Variants in PPFIBP1 observed in about 807,000 individuals in gnomAD.
The protein encoded by PPFIBP1 is PPFIB scaffold protein 1, also known as liprin-beta-1.
A neutral mutation model predicts 137.8 loss-of-function variants in PPFIBP1; 112 were observed. That is an observed-to-expected ratio of 0.81 (90% CI 0.70 to 0.95). The LOEUF is 0.95. Ranked by LOEUF, PPFIBP1 falls within the 40% of genes least tolerant of loss-of-function variation. The pLI, the probability that PPFIBP1 is intolerant of heterozygous loss-of-function variation, is 0.00. For missense variants in PPFIBP1, 1,083 were observed against 1,196.6 expected (o/e 0.91, Z 1.40); for synonymous variants, 378 against 417.3 (o/e 0.91, Z 1.15).
At chr12:27,571,860 T>C (rs1335092366) in intron 1 of PPFIBP1, among the ~76,000 whole-genome samples, 1 of 152,240 alleles carries the variant, frequency 6.6e-6, no homozygotes, top group East Asian at 1.9e-4. Flanking sequence ...GTGGAAATAC[T>C]TGATTTTACA....
At chr12:27,624,685 C>T (rs112085999) in intron 2 of PPFIBP1, among the ~76,000 whole-genome samples, 11,917 of 152,220 alleles carry the variant, frequency 0.078, 645 homozygotes, top group East Asian at 0.12. Context: ...GTCATTAATA[C>T]GCCCTCTTTT....
intron 2 of PPFIBP1, among the ~76,000 whole-genome samples, chr12:27,587,184 G>A (rs2051867263): frequency 6.6e-6 from 1 of 152,174 alleles, no homozygotes; most frequent in South Asian, 2.1e-4. Context: ...GCAGCCAGCT[G>A]TGAACCCAAA....
Position 27,646,882 on chromosome 12 carries a change from G to A in PPFIBP1, c.357+734G>A, listed in dbSNP as rs187169109. On this transcript the variant is annotated intron_variant, in intron 5 of 29. Coordinates refer to ENST00000228425, the MANE Select transcript of PPFIBP1 (RefSeq NM_003622.4). ...ATCTGCTGTAAGCACTAGAGTTGAA[G>A]GACTAGCCCAACAGCTCCTCAGGCA... 1.4e-4 allele frequency among the ~76,000 whole-genome samples: 21 copies of A among 152,298 alleles called. No homozygotes were observed. In the East Asian group the frequency reaches 1.7e-3, roughly 13 times the overall value.
intron 4 of PPFIBP1, among the ~76,000 whole-genome samples, chr12:27,645,461 G>A (rs1476230219): frequency 6.6e-6 from 1 of 152,082 alleles, no homozygotes; most frequent in Admixed American, 6.6e-5. Flanking sequence ...AAAGTGTGGG[G>A]GGCAGGAGGG....
chr12:27,536,422 C>A (rs560411085), intron 1 of PPFIBP1, among the ~76,000 whole-genome samples: 1 of 152,224 alleles, frequency 6.6e-6, no homozygotes, highest in Non-Finnish European at 1.5e-5. Flanking sequence ...CAGGAAGCTT[C>A]CGATCATGGC....
intron 13 of PPFIBP1, among the ~76,000 whole-genome samples, chr12:27,668,509 G>A (rs2059997414): frequency 6.6e-6 from 1 of 152,182 alleles, no homozygotes. Context: ...TGCTTCCTTT[G>A]CCTATATTTG....
intron 1 of PPFIBP1, among the ~76,000 whole-genome samples, chr12:27,577,718 T>C (rs2050691582): frequency 6.6e-6 from 1 of 152,230 alleles, no homozygotes; most frequent in African/African-American, 2.4e-5. Flanking sequence ...TTGTTCCTGT[T>C]GGACAACAAA....
intron 28 of PPFIBP1, 152 bp from the exon 29 acceptor site, chr12:27,692,439 T>C: frequency 1.5e-6 from 1 of 682,076 alleles, no homozygotes; most frequent in Non-Finnish European, 2.5e-6. Context: ...CCAGTTGCAG[T>C]GGTGAAAGGA....
At chr12:27,557,662 ACT>A (rs2048813770) in intron 1 of PPFIBP1, among the ~76,000 whole-genome samples, 3 of 152,028 alleles carry the variant, frequency 2.0e-5, no homozygotes, top group Admixed American at 2.0e-4. Flanking sequence ...ATATAAAAGA[ACT>A]CTGTCTTTTG....
intron 1 of PPFIBP1, among the ~76,000 whole-genome samples, chr12:27,551,387 G>A (rs183225616): frequency 6.6e-6 from 1 of 152,264 alleles, no homozygotes; most frequent in Admixed American, 6.5e-5. Context: ...CTAGTACTAC[G>A]AAGGTCTAAA....
At position 27,593,837 on chromosome 12, in the gene PPFIBP1, T is replaced by C. The variant is rs147314807; in HGVS notation, c.-36+15598T>C. 2.2e-4 allele frequency: 304 copies of C among 1,364,282 alleles called. 1 individual carries two copies. Among genetic ancestry groups the C allele is most frequent in the South Asian group, 7.7e-4 (47 of 60,986 alleles). 84.5% of individuals were successfully genotyped at this position (1,364,282 alleles called of 1,614,324 possible). On this transcript the variant is annotated intron_variant, in intron 2 of 29. Coordinates refer to ENST00000228425, the MANE Select transcript of PPFIBP1 (RefSeq NM_003622.4). ...AATTTGGTATTGTCTCTTCATGTGT[T>C]TCCTTATCCTTTCAGTCCCCCATGC...
At chr12:27,524,510 T>C (rs2135637031) in intron 1 of PPFIBP1, 145 bp downstream of exon 1, 1 of 152,086 alleles carries the variant, frequency 6.6e-6, no homozygotes, top group Non-Finnish European at 1.5e-5. Flanking sequence ...ACGGGCACTT[T>C]TTGGGGGTGG....
In PPFIBP1 at chr12:27,682,396, A is replaced by G; in HGVS notation, c.2056A>G (p.Ile686Val). Residue 686 changes from isoleucine (I) to valine (V), a missense_variant, in exon 23 of 30, where the codon ATC becomes GTC. Physicochemically the swap from Ile to Val is conservative, Grantham distance 29 (BLOSUM62 3). Coordinates refer to ENST00000228425, the MANE Select transcript of PPFIBP1 (RefSeq NM_003622.4). ...ATGTTTATTGTTTCAGGAACTTGGA[A>G]TCAAGCATTCACTTCATCGAAAGAA... The part of the protein sequence containing the change: ...SQQDLEKELG[I>V]KHSLHRKKLQ... 1 of 1,610,514 alleles carries G rather than the reference A, an allele frequency of 6.2e-7. No homozygotes were observed. The highest frequency in any genetic ancestry group is 8.5e-7 in the Non-Finnish European group (1 of 1,176,740).
intron 20 of PPFIBP1, 79 bp from the exon 21 acceptor site, chr12:27,679,854 C>A: frequency 6.5e-7 from 1 of 1,539,186 alleles, no homozygotes. Flanking sequence ...CCAGTAGGTG[C>A]ACTAGTTAAA....
intron 24 of PPFIBP1, among the ~76,000 whole-genome samples, chr12:27,686,808 C>T (rs569878784): frequency 3.3e-5 from 5 of 151,026 alleles, no homozygotes; most frequent in Non-Finnish European, 5.9e-5. Flanking sequence ...CGGCTGAGGC[C>T]GGGGGACTGC....
rs2061651550 is a variant in PPFIBP1 at position 27,693,214 on chromosome 12, C to G, written c.*332C>G. On this transcript the variant is annotated 3_prime_UTR_variant, in exon 30 of 30. Transcript: ENST00000228425. ...GTATGGAGGATTTGAGGAACAGTAA[C>G]CAGGATGTGAATGATTTTGTTACAT... 4.9e-6 allele frequency: 1 copy of G among 203,742 alleles called. No individual in the cohort carries two copies. Among genetic ancestry groups the G allele is most frequent in the South Asian group, 1.0e-4 (1 of 9,810 alleles). The allele number at this position is 203,742 out of a possible 1,614,324, so 12.6% of individuals were successfully genotyped here.
intron 2 of PPFIBP1, chr12:27,593,825 C>T: frequency 7.7e-7 from 1 of 1,300,128 alleles, no homozygotes; most frequent in African/African-American, 1.5e-5. Context: ...TTGGTATTGT[C>T]TCTTCATGTG....
chr12:27,610,896 T>A (rs1349312330), intron 2 of PPFIBP1, among the ~76,000 whole-genome samples: 2 of 152,148 alleles, frequency 1.3e-5, no homozygotes, highest in Non-Finnish European at 2.9e-5. Context: ...CTTTTTTTTT[T>A]TGTATCTATG....
Position 27,532,831 on chromosome 12 carries a change from G to C in PPFIBP1, c.-124+8466G>C, listed in dbSNP as rs187095037. On this transcript the variant is annotated intron_variant, in intron 1 of 29. Transcript: ENST00000228425. ...GGCAAATCTTACAGGGTTTTAAAGA[G>C]AGTGACAAGATTGTACCTTAAAACA... Among the ~76,000 whole-genome samples, 5 of 152,282 alleles carry C rather than the reference G, an allele frequency of 3.3e-5. No individual in the cohort carries two copies. In the East Asian group the frequency reaches 9.6e-4, roughly 29 times the overall value.
Sources: gnomAD v4.1 joint callset for allele counts (sites outside exome capture counted in the v4.1 genomes callset) on GRCh38, gnomAD v4.1.1 for gene constraint, MANE v1.5 for transcripts, NCBI Gene and HGNC (gene_info 2026-07-23, HGNC 2026-07-21) for gene names.